Variants in TEC observed in about 807,000 individuals in gnomAD.
TEC encodes tec protein tyrosine kinase.
TEC carries 72 observed loss-of-function variants against 93.0 expected under a neutral mutation model. That is an observed-to-expected ratio of 0.77 (90% CI 0.64 to 0.94). The LOEUF (loss-of-function observed/expected upper bound fraction) is 0.94, where lower values mean the gene tolerates loss of function less well. TEC is among the 40% of genes least tolerant of loss of function. TEC has a pLI of 0.00. For synonymous variants in TEC, 249 were observed against 247.7 expected (o/e 1.01, Z -0.05); for missense variants, 630 against 757.9 (o/e 0.83, Z 1.98).
chr4:48,250,782 A>G (rs1304017667), intron 1 of TEC, among the ~76,000 whole-genome samples: 1 of 152,204 alleles, frequency 6.6e-6, no homozygotes, highest in East Asian at 1.9e-4. Flanking sequence ...CCTAACCCAC[A>G]GTGGACCACA....
intron 7 of TEC, among the ~76,000 whole-genome samples, 188 bp downstream of exon 7, chr4:48,167,590 T>A (rs1720920414): frequency 6.6e-6 from 1 of 152,152 alleles, no homozygotes; most frequent in South Asian, 2.1e-4. Context: ...AAGAAGTGAT[T>A]GATCAATTCG....
At chr4:48,146,563 C>T (rs1222460674) in intron 11 of TEC, among the ~76,000 whole-genome samples, 164 bp from the exon 12 acceptor site, 5 of 152,152 alleles carry the variant, frequency 3.3e-5, no homozygotes, top group Non-Finnish European at 7.4e-5. Context: ...ATTCAACAAA[C>T]ATTTTCTTTT....
intron 1 of TEC, among the ~76,000 whole-genome samples, chr4:48,252,288 T>C (rs1250220594): frequency 6.6e-6 from 1 of 152,218 alleles, no homozygotes; most frequent in Non-Finnish European, 1.5e-5. Context: ...ATGATGATAG[T>C]GGTAGTGGTG....
At chr4:48,181,226 T>C (rs1721570336) in intron 2 of TEC, among the ~76,000 whole-genome samples, 1 of 152,126 alleles carries the variant, frequency 6.6e-6, no homozygotes, top group South Asian at 2.1e-4. Context: ...AGCACTGTCT[T>C]TATAGATAAA....
intron 2 of TEC, among the ~76,000 whole-genome samples, chr4:48,194,106 A>G (rs1471676402): frequency 6.6e-6 from 1 of 152,212 alleles, no homozygotes; most frequent in Admixed American, 6.5e-5. Flanking sequence ...ACCCAGAGCA[A>G]TGACAGCCCT....
At chr4:48,190,456 T>C (rs1722053560) in intron 2 of TEC, among the ~76,000 whole-genome samples, 1 of 152,202 alleles carries the variant, frequency 6.6e-6, no homozygotes, top group African/African-American at 2.4e-5. Flanking sequence ...TTCAGACCAA[T>C]GTGATGTCAG....
intron 11 of TEC, 146 bp downstream of exon 11, chr4:48,149,411 C>T: frequency 1.3e-6 from 1 of 788,420 alleles, no homozygotes; most frequent in Non-Finnish European, 1.9e-6. Flanking sequence ...TTGTATATAT[C>T]ATTCCTTTAA....
intron 3 of TEC, among the ~76,000 whole-genome samples, chr4:48,173,835 C>T (rs1298065329): frequency 6.6e-6 from 1 of 152,188 alleles, no homozygotes; most frequent in Non-Finnish European, 1.5e-5. Context: ...ATCAGAATGA[C>T]TCATCTAGAA....
At chr4:48,237,448 G>T (rs879303554) in intron 1 of TEC, among the ~76,000 whole-genome samples, 1 of 151,936 alleles carries the variant, frequency 6.6e-6, no homozygotes, top group Non-Finnish European at 1.5e-5. Flanking sequence ...TGCTAAATGG[G>T]AAAGAAAATC....
chr4:48,237,895 C>T (rs1307903173), intron 1 of TEC, among the ~76,000 whole-genome samples: 3 of 152,126 alleles, frequency 2.0e-5, no homozygotes, highest in Admixed American at 2.0e-4. Flanking sequence ...GAAATTTGTG[C>T]AAATAAACAT....
intron 2 of TEC, among the ~76,000 whole-genome samples, chr4:48,196,501 GACAA>G (rs945118550): frequency 3.3e-5 from 5 of 152,320 alleles, no homozygotes; most frequent in East Asian, 1.9e-4. Context: ...GAAGAACGCT[GACAA>G]ACAGTTTAAG....
chr4:48,160,013 C>T (rs961703329), intron 8 of TEC, among the ~76,000 whole-genome samples: 4 of 152,210 alleles, frequency 2.6e-5, no homozygotes, highest in Non-Finnish European at 5.9e-5. Context: ...TGAGACTTGG[C>T]AAGGTCTCCA....
intron 2 of TEC, among the ~76,000 whole-genome samples, chr4:48,201,988 G>C (rs2704416): frequency 7.8e-6 from 1 of 128,228 alleles, no homozygotes; most frequent in Admixed American, 9.3e-5. Context: ...ACAGAGTCTC[G>C]CTCTGTCGCC....
chr4:48,209,288 T>A (rs1722816103), intron 2 of TEC, among the ~76,000 whole-genome samples: 1 of 152,194 alleles, frequency 6.6e-6, no homozygotes, highest in South Asian at 2.1e-4. Context: ...TGTCTCTATG[T>A]AACAGTCAGA....
At chr4:48,212,157 AT>A (rs961720470) in intron 2 of TEC, among the ~76,000 whole-genome samples, 6 of 149,598 alleles carry the variant, frequency 4.0e-5, no homozygotes, top group African/African-American at 7.3e-5. Context: ...TCACAGAAAT[AT>A]TTTTTTTCTG....
intron 2 of TEC, among the ~76,000 whole-genome samples, chr4:48,203,131 A>G (rs1577632996): frequency 6.6e-6 from 1 of 152,322 alleles, no homozygotes; most frequent in East Asian, 1.9e-4. Context: ...TGGGAGGCTG[A>G]GGCAGGGGGA....
chr4:48,138,772 A>AT lies in TEC; in HGVS notation c.1704dup (p.Tyr569IlefsTer5), dbSNP rs747243187. 124 of 1,614,066 alleles carry AT rather than the reference A, an allele frequency of 7.7e-5. No individual in the cohort carries two copies. Among genetic ancestry groups the AT allele is most frequent in the South Asian group, 2.7e-4 (25 of 91,056 alleles). ...ATGGTTACCACTTCATAATTGGTGT[A>AT]TTTTTCAAAAGGCATTCTGCCTTCC... On this transcript the variant is annotated frameshift_variant, in exon 17 of 18. Coordinates refer to ENST00000381501, the MANE Select transcript of TEC (RefSeq NM_003215.3). LOFTEE classifies it high-confidence loss of function.
rs775352243 is a variant in TEC at position 48,146,310 on chromosome 4, C to T, written c.1081+15G>A. Reference sequence around the variant, plus strand: ...CAAGGAAAATTAGCTCATGCAACCACAAAATAAGAGTTACCATAGCTGAAT... The same window carrying T: ...CAAGGAAAATTAGCTCATGCAACCATAAAATAAGAGTTACCATAGCTGAAT... On this transcript the variant is annotated intron_variant, in intron 12 of 17. Transcript: ENST00000381501. 1 of 1,611,306 alleles carries T rather than the reference C, an allele frequency of 6.2e-7. No homozygotes were observed. The highest frequency in any genetic ancestry group is 1.1e-5 in the South Asian group (1 of 90,340).
chr4:48,144,964 T>C, intron 14 of TEC, 115 bp downstream of exon 14: 1 of 854,010 alleles, frequency 1.2e-6, no homozygotes, highest in Non-Finnish European at 1.9e-6. Context: ...TTAAAAATAA[T>C]GGTGAAAGAT....
Sources: gnomAD v4.1 joint callset for allele counts (sites outside exome capture counted in the v4.1 genomes callset) on GRCh38, gnomAD v4.1.1 for gene constraint, MANE v1.5 for transcripts, NCBI Gene and HGNC (gene_info 2026-07-23, HGNC 2026-07-21) for gene names.